The following TDRKH variants were observed in gnomAD, a reference collection of about 807,000 sequenced individuals.
TDRKH encodes the protein tudor and KH domain-containing protein.
A neutral mutation model predicts 61.3 loss-of-function variants in TDRKH; 28 were observed. The ratio of observed to expected loss-of-function variants is 0.46; its 90% CI spans 0.34 to 0.63. The LOEUF is 0.63. Ranked by LOEUF, TDRKH falls within the 20% of genes least tolerant of loss-of-function variation. The pLI is 0.01. For synonymous variants in TDRKH, 219 were observed against 244.4 expected (o/e 0.90, Z 0.97); for missense variants, 540 against 683.4 (o/e 0.79, Z 2.34).
Position 151,774,395 on chromosome 1 carries a change from G to C in TDRKH, c.*57C>G. 6.3e-7 allele frequency: 1 copy of C among 1,585,034 alleles called. No individual in the cohort carries two copies. Among genetic ancestry groups the C allele is most frequent in the Non-Finnish European group, 8.6e-7 (1 of 1,157,542 alleles). On this transcript the variant is annotated 3_prime_UTR_variant, in exon 13 of 13. Coordinates refer to ENST00000368824, the MANE Select transcript of TDRKH (RefSeq NM_001083965.2). ...CATTACTTTCCTGTTGCTACAGATA[G>C]ATGATAGCTGCACTCACACAGCAAA...
chr1:151,781,161 C>A (rs1268911918), intron 3 of TDRKH, among the ~76,000 whole-genome samples: 2 of 150,478 alleles, frequency 1.3e-5, no homozygotes, highest in African/African-American at 2.4e-5. Context: ...ACTAAAAATA[C>A]CAAAAATTCG....
downstream of TDRKH, chr1:151,770,933 A>T: frequency 8.7e-7 from 1 of 1,153,684 alleles, no homozygotes; most frequent in Non-Finnish European, 1.2e-6. Flanking sequence ...GTTAGAGCCT[A>T]GGTCTGTTGG....
At chr1:151,768,436 G>A (rs1266518401), downstream of TDRKH, among the ~76,000 whole-genome samples, 1 of 152,208 alleles carries the variant, frequency 6.6e-6, no homozygotes, top group Non-Finnish European at 1.5e-5. Flanking sequence ...TCCAGAAATA[G>A]TTGAATAACG....
At chr1:151,784,365 C>T (rs932980047) in intron 1 of TDRKH, among the ~76,000 whole-genome samples, 3 of 152,224 alleles carry the variant, frequency 2.0e-5, no homozygotes, top group African/African-American at 7.2e-5. Flanking sequence ...ACTTCAACTA[C>T]TTCCCATTTC....
downstream of TDRKH, chr1:151,766,634 A>C: frequency 6.7e-7 from 1 of 1,493,352 alleles, no homozygotes; most frequent in African/African-American, 1.4e-5. Flanking sequence ...CATAGTGCCC[A>C]CTGGGTCACA....
downstream of TDRKH, among the ~76,000 whole-genome samples, chr1:151,768,904 A>G (rs1478319127): frequency 2.6e-5 from 4 of 152,308 alleles, no homozygotes; most frequent in Non-Finnish European, 5.9e-5. Context: ...TCTGTTTAAC[A>G]AAGCACATCT....
chr1:151,790,216 G>A (rs1490060941), intron 1 of TDRKH, among the ~76,000 whole-genome samples, 164 bp downstream of exon 1: 1 of 152,090 alleles, frequency 6.6e-6, no homozygotes, highest in Non-Finnish European at 1.5e-5. Flanking sequence ...GGGTCAAGTT[G>A]CCCCCGAGCG....
chr1:151,774,448 G>A lies in TDRKH; in HGVS notation c.*4C>T. 6.2e-7 allele frequency: 1 copy of A among 1,614,058 alleles called. No homozygotes were observed. Among genetic ancestry groups the A allele is most frequent in the Non-Finnish European group, 8.5e-7 (1 of 1,179,960 alleles). On this transcript the variant is annotated 3_prime_UTR_variant, in exon 13 of 13. Coordinates refer to ENST00000368824, the MANE Select transcript of TDRKH (RefSeq NM_001083965.2). ...AGATGGCTGAGCAAACTGAAGCCCAGACTTCAGAGTAAGTAGTCATCTTCA... is the reference window on the plus strand; with the variant it reads ...AGATGGCTGAGCAAACTGAAGCCCAAACTTCAGAGTAAGTAGTCATCTTCA...
downstream of TDRKH, chr1:151,766,524 A>T: frequency 1.6e-6 from 1 of 609,872 alleles, no homozygotes; most frequent in South Asian, 2.1e-5. Context: ...CAGCCATAAC[A>T]TGCATACTAG....
chr1:151,773,234 G>A (rs965157078), downstream of TDRKH, among the ~76,000 whole-genome samples: 3 of 152,046 alleles, frequency 2.0e-5, no homozygotes, highest in African/African-American at 7.2e-5. Context: ...AGTAGAGACA[G>A]GGTTTCACCA....
In TDRKH at chr1:151,778,845, A is replaced by G. The variant is rs370400479; in HGVS notation, c.723T>C (p.Ser241=). Reference sequence around the variant, plus strand: ...GGGGTGCAGTCGGCTCCATGCTAGAACTGGTGTTTTTCCATAATGCTGGCT... The same window carrying G: ...GGGGTGCAGTCGGCTCCATGCTAGAGCTGGTGTTTTTCCATAATGCTGGCT... ...AGEPALWKNT[S]SSMEPTAPLV... is the part of the protein sequence containing the mutation. Residue 241 remains serine (S), a synonymous_variant, in exon 6 of 13, where the codon AGT becomes AGC. Coordinates refer to ENST00000368824, the MANE Select transcript of TDRKH (RefSeq NM_001083965.2). The G allele has an allele frequency of 3.1e-6, 5 of 1,613,994 alleles. No homozygotes were observed. The highest frequency in any genetic ancestry group is 4.2e-6 in the Non-Finnish European group (5 of 1,180,018).
downstream of TDRKH, chr1:151,767,539 C>G: frequency 1.3e-6 from 1 of 768,656 alleles, no homozygotes; most frequent in Non-Finnish European, 1.9e-6. Flanking sequence ...AAAGGTAAAA[C>G]AAACTCTGTA....
rs539560741 is a variant in TDRKH at position 151,783,298 on chromosome 1, A to G, written c.-27-249T>C. The G allele has an allele frequency of 3.5e-5, 7 of 198,802 alleles. No homozygotes were observed. In the South Asian group the frequency reaches 8.4e-4, roughly 24 times the overall value. The allele number at this position is 198,802 out of a possible 1,614,324, so 12.3% of individuals were successfully genotyped here. On this transcript the variant is annotated intron_variant, in intron 1 of 12. Coordinates refer to ENST00000368824, the MANE Select transcript of TDRKH (RefSeq NM_001083965.2). ...TCCCCACCCAAGTCAGTTTTAAAAG[A>G]CAAAAAAAATTAAATGAATCAAATA... is the stretch of plus-strand genomic sequence containing the variant.
chr1:151,772,203 C>T (rs574240807), downstream of TDRKH, among the ~76,000 whole-genome samples: 7 of 152,198 alleles, frequency 4.6e-5, no homozygotes, highest in South Asian at 1.0e-3. Flanking sequence ...TGGGCTCAAG[C>T]GATCCTCCCA....
rs759043177 is a variant in TDRKH at position 151,778,775 on chromosome 1, C to A, written c.793G>T (p.Val265Leu). 3 of 1,614,224 alleles carry A rather than the reference C, an allele frequency of 1.9e-6. No individual in the cohort carries two copies. Among genetic ancestry groups the A allele is most frequent in the Non-Finnish European group, 2.5e-6 (3 of 1,180,046 alleles). Residue 265 changes from valine (V) to leucine (L), a missense_variant, in exon 6 of 13, where the codon GTG (valine) becomes TTG (leucine). Coordinates refer to ENST00000368824, the MANE Select transcript of TDRKH (RefSeq NM_001083965.2). Reference sequence around the variant, plus strand: ...TTCTCCCAGGAACCTTCCTTTGACACTACCACAGCCATGTCGCCTCCTCCT... The same window carrying A: ...TTCTCCCAGGAACCTTCCTTTGACAATACCACAGCCATGTCGCCTCCTCCT... ...PKGGGDMAVV[V>L]SKEGSWEKPS...
At chr1:151,775,276 T>A in intron 10 of TDRKH, 110 bp from the exon 11 acceptor site, 1 of 1,552,528 alleles carries the variant, frequency 6.4e-7, no homozygotes. Flanking sequence ...GGTGAGATGG[T>A]GAGAAGGATC....
At chr1:151,787,391 G>A (rs1650421743) in intron 1 of TDRKH, among the ~76,000 whole-genome samples, 1 of 152,064 alleles carries the variant, frequency 6.6e-6, no homozygotes, top group Admixed American at 6.6e-5. Flanking sequence ...GCTAATTTAT[G>A]TATTTTTAGT....
chr1:151,773,094 G>A (rs1571978053), downstream of TDRKH, among the ~76,000 whole-genome samples: 1 of 152,042 alleles, frequency 6.6e-6, no homozygotes, highest in South Asian at 2.1e-4. Context: ...CCAGGCTGGA[G>A]TGCAGTGGCA....
chr1:151,789,708 A>G (rs1366092630), intron 1 of TDRKH, among the ~76,000 whole-genome samples: 1 of 152,228 alleles, frequency 6.6e-6, no homozygotes, highest in Non-Finnish European at 1.5e-5. Context: ...GCTCCATGAA[A>G]GCATAGATAA....
Sources: gnomAD v4.1 joint callset for allele counts (sites outside exome capture counted in the v4.1 genomes callset) on GRCh38, gnomAD v4.1.1 for gene constraint, MANE v1.5 for transcripts, NCBI Gene and HGNC (gene_info 2026-07-23, HGNC 2026-07-21) for gene names.